The following UGT1A6 variants were observed in gnomAD, a reference collection of about 807,000 sequenced individuals.
The protein encoded by UGT1A6 is UDP-glucuronosyltransferase 1A6.
A neutral mutation model predicts 44.4 loss-of-function variants in UGT1A6; 32 were observed. The ratio of observed to expected loss-of-function variants is 0.72; its 90% CI spans 0.54 to 0.97. The LOEUF (loss-of-function observed/expected upper bound fraction) is 0.97. Ranked by LOEUF, UGT1A6 falls within the 50% of genes least tolerant of loss-of-function variation. The pLI, the probability that UGT1A6 is intolerant of heterozygous loss-of-function variation, is 0.00. For synonymous variants in UGT1A6, 238 were observed against 248.5 expected, an observed-to-expected ratio of 0.96 and a Z score of 0.40; for missense variants, 685 against 661.9, an observed-to-expected ratio of 1.03 and a Z score of -0.38.
At chr2:233,704,477 T>C (rs1575478652) in intron 1 of UGT1A6, among the ~76,000 whole-genome samples, 2 of 152,176 alleles carry the variant, frequency 1.3e-5, no homozygotes, top group African/African-American at 2.4e-5. Context: ...CTTTCTCCCC[T>C]TTTTATGATA....
At chr2:233,743,383 G>A (rs1366748505) in intron 1 of UGT1A6, 1 of 1,197,714 alleles carries the variant, frequency 8.3e-7, no homozygotes, top group Non-Finnish European at 1.1e-6. Context: ...ACTACCGTAG[G>A]ACATGCAGAA....
intron 1 of UGT1A6, among the ~76,000 whole-genome samples, chr2:233,748,979 CT>C (rs1333740168): frequency 1.3e-5 from 2 of 151,700 alleles, no homozygotes; most frequent in Non-Finnish European, 2.9e-5. Flanking sequence ...GGATCTACTT[CT>C]TTACCAACAA....
intron 1 of UGT1A6, among the ~76,000 whole-genome samples, chr2:233,697,492 TTTTG>T (rs1207342841): frequency 3.2e-4 from 49 of 151,868 alleles, no homozygotes; most frequent in African/African-American, 9.4e-4. Flanking sequence ...GGTTTGCCAA[TTTTG>T]TTTATCTTTT....
chr2:233,767,851 C>G lies in UGT1A6; in HGVS notation c.996C>G (p.Val332=), dbSNP rs752058783. 1 of 1,614,170 alleles carries G rather than the reference C, an allele frequency of 6.2e-7. No individual in the cohort carries two copies. Among genetic ancestry groups the G allele is most frequent in the Non-Finnish European group, 8.5e-7 (1 of 1,180,036 alleles). ...ADALGKIPQT[V]LWRYTGTRPS... Reference sequence around the variant, plus strand: ...TCTGCTCTTTTTGCCCCTCCCAGGTCCTGTGGCGGTACACTGGAACCCGAC... The same window carrying G: ...TCTGCTCTTTTTGCCCCTCCCAGGTGCTGTGGCGGTACACTGGAACCCGAC... The change falls in exon 3 of 5, where the codon GTC becomes GTG. Residue 332 remains valine (V), a splice_region_variant and synonymous_variant. Transcript: ENST00000305139.
intron 1 of UGT1A6, among the ~76,000 whole-genome samples, chr2:233,726,247 G>C (rs1198671452): frequency 6.6e-6 from 1 of 152,198 alleles, no homozygotes; most frequent in Non-Finnish European, 1.5e-5. Flanking sequence ...AATATGAAAA[G>C]CTGGGTGCAG....
intron 1 of UGT1A6, chr2:233,713,385 C>G (rs2076315367): frequency 1.2e-6 from 2 of 1,614,134 alleles, no homozygotes; most frequent in African/African-American, 1.3e-5. Context: ...TGTGGAGCTA[C>G]TGCATAATGA....
rs1699273514 is a variant in UGT1A6, at chr2:233,766,902, T to A, written c.862-132T>A. Reference sequence around the variant, plus strand: ...CTGTAAAACTTACATATTAATAATTTTTTACTCTATCTCAAACACGCATGC... The same window carrying A: ...CTGTAAAACTTACATATTAATAATTATTTACTCTATCTCAAACACGCATGC... On this transcript the variant is annotated intron_variant, in intron 1 of 4. Coordinates refer to ENST00000305139, the MANE Select transcript of UGT1A6 (RefSeq NM_001072.4). 3.3e-6 allele frequency: 5 copies of A among 1,493,272 alleles called. No individual in the cohort carries two copies. The South Asian group carries it at 6.7e-5, about 20-fold the overall frequency. The allele number at this position is 1,493,272 out of a possible 1,614,324, so 92.5% of individuals were successfully genotyped here.
intron 1 of UGT1A6, chr2:233,760,235 T>C (rs1697361958): frequency 1.4e-5 from 17 of 1,221,898 alleles, no homozygotes; most frequent in Non-Finnish European, 1.8e-5. Context: ...GTTTTTGCCA[T>C]ATATATATAT....
At chr2:233,730,577 T>C (rs1559376049) in intron 1 of UGT1A6, among the ~76,000 whole-genome samples, 1 of 152,254 alleles carries the variant, frequency 6.6e-6, no homozygotes, top group East Asian at 1.9e-4. Context: ...AAGTTCAGTT[T>C]CCAGACAGGG....
chr2:233,724,301 C>T (rs2077213745), intron 1 of UGT1A6, among the ~76,000 whole-genome samples: 1 of 144,624 alleles, frequency 6.9e-6, no homozygotes, highest in Admixed American at 6.8e-5. Context: ...ACCCCCCCAC[C>T]TCCCTCCCGG....
chr2:233,743,842 C>T (rs1312488571), intron 1 of UGT1A6: 2 of 1,367,178 alleles, frequency 1.5e-6, no homozygotes, highest in Admixed American at 3.8e-5. Flanking sequence ...TGAGCGCCAG[C>T]TTGCGGTACG....
intron 4 of UGT1A6, chr2:233,770,813 A>G (rs910931761): frequency 2.0e-5 from 3 of 152,228 alleles, no homozygotes; most frequent in African/African-American, 7.2e-5. Flanking sequence ...ACAGTGTATT[A>G]GGCTGTTCTT....
intron 1 of UGT1A6, among the ~76,000 whole-genome samples, chr2:233,718,205 T>C (rs2076639631): frequency 6.6e-6 from 1 of 152,198 alleles, no homozygotes; most frequent in African/African-American, 2.4e-5. Context: ...AGCTTTTTTT[T>C]ATATTGACAG....
chr2:233,747,450 T>A, intron 1 of UGT1A6: 1 of 1,609,050 alleles, frequency 6.2e-7, no homozygotes, highest in Non-Finnish European at 8.5e-7. Flanking sequence ...CCTGACAACC[T>A]ATGCCATTTC....
At chr2:233,733,743 C>T (rs1444086929) in intron 1 of UGT1A6, among the ~76,000 whole-genome samples, 1 of 152,214 alleles carries the variant, frequency 6.6e-6, no homozygotes, top group Non-Finnish European at 1.5e-5. Context: ...CGATGTTCAT[C>T]AGGGATATTT....
At chr2:233,771,399 T>G (rs972051776) in intron 4 of UGT1A6, 1 of 152,180 alleles carries the variant, frequency 6.6e-6, no homozygotes, top group East Asian at 1.9e-4. Flanking sequence ...GATTGGGCAA[T>G]GAACACTGTC....
Position 233,772,392 on chromosome 2 carries a change from C to T in UGT1A6, c.1432C>T (p.His478Tyr), listed in dbSNP as rs753109787. 4 of 1,614,252 alleles carry T rather than the reference C, an allele frequency of 2.5e-6. No homozygotes were observed. Among genetic ancestry groups the T allele is most frequent in the East Asian group, 2.2e-5 (1 of 44,876 alleles). ...KGAPHLRPAA[H>Y]DLTWYQYHSL... is the part of the protein sequence containing the mutation. Reference sequence around the variant, plus strand: ...CGCGCCACACCTGCGCCCCGCAGCCCACGACCTCACCTGGTACCAGTACCA... The same window carrying T: ...CGCGCCACACCTGCGCCCCGCAGCCTACGACCTCACCTGGTACCAGTACCA... Residue 478 changes from histidine (H) to tyrosine (Y), a missense_variant, in exon 5 of 5, where the codon CAC (histidine) becomes TAC (tyrosine). Coordinates refer to ENST00000305139, the MANE Select transcript of UGT1A6 (RefSeq NM_001072.4).
Position 233,772,534 on chromosome 2 carries a change from A to T in UGT1A6, c.1574A>T (p.Lys525Ile). 6.2e-7 allele frequency: 1 copy of T among 1,614,216 alleles called. No homozygotes were observed. Among genetic ancestry groups the T allele is most frequent in the South Asian group, 1.1e-5 (1 of 91,086 alleles). The change falls in exon 5 of 5, where the codon AAA becomes ATA. Residue 525 changes from lysine to isoleucine, a missense_variant. Lys to Ile is a moderately radical substitution (Grantham distance 102). Transcript: ENST00000305139. The stretch of plus-strand genomic sequence containing the variant: ...TTGGGGAAAAAAGGGCGAGTTAAGA[A>T]AGCCCACAAATCCAAGACCCATTGA... ...KCLGKKGRVK[K>I]AHKSKTH
chr2:233,739,660 T>G (rs1471154099), intron 1 of UGT1A6, among the ~76,000 whole-genome samples: 1 of 152,216 alleles, frequency 6.6e-6, no homozygotes, highest in Non-Finnish European at 1.5e-5. Flanking sequence ...TGTACCCCCA[T>G]TGTGTCTTGG....
Sources: gnomAD v4.1 joint callset for allele counts (sites outside exome capture counted in the v4.1 genomes callset) on GRCh38, gnomAD v4.1.1 for gene constraint, MANE v1.5 for transcripts, NCBI Gene and HGNC (gene_info 2026-07-23, HGNC 2026-07-21) for gene names.